The following EPRS1 variants were observed in gnomAD, a reference collection of about 807,000 sequenced individuals.
EPRS1 encodes the protein bifunctional glutamate/proline--tRNA ligase.
In EPRS1, 107 loss-of-function variants were observed where a neutral mutation model predicts 188.3. The observed-to-expected ratio is 0.57, with a 90% CI of 0.49 to 0.67. The LOEUF (loss-of-function observed/expected upper bound fraction) is 0.67. Among genes scored for constraint, EPRS1 ranks in the 30% least tolerant of loss-of-function variants. The pLI is 0.00. For missense variants in EPRS1, 1,577 were observed against 1,802.2 expected, an observed-to-expected ratio of 0.88 and a Z score of 2.26; for synonymous variants, 596 against 593.1, an observed-to-expected ratio of 1.00 and a Z score of -0.07.
At chr1:219,976,916 AAAAAG>A (rs1189371669) in intron 28 of EPRS1, among the ~76,000 whole-genome samples, 1 of 152,182 alleles carries the variant, frequency 6.6e-6, no homozygotes, top group Non-Finnish European at 1.5e-5. Flanking sequence ...TCCACATAGT[AAAAAG>A]AAAAGTAGTT....
intron 20 of EPRS1, among the ~76,000 whole-genome samples, chr1:219,985,237 C>G (rs536603040): frequency 6.6e-6 from 1 of 152,096 alleles, no homozygotes; most frequent in Admixed American, 6.6e-5. Context: ...CACACCTATT[C>G]TCCCACTAAA....
chr1:219,986,098 T>C (rs1030514954), intron 20 of EPRS1, among the ~76,000 whole-genome samples: 2 of 152,178 alleles, frequency 1.3e-5, no homozygotes, highest in Admixed American at 6.5e-5. Context: ...ATTGTGTATA[T>C]GACATGAGAG....
chr1:220,024,613 G>GA (rs997388792), intron 7 of EPRS1, among the ~76,000 whole-genome samples, 157 bp from the exon 8 acceptor site: 9 of 152,178 alleles, frequency 5.9e-5, no homozygotes, highest in African/African-American at 1.9e-4. Context: ...GATCAAAAAA[G>GA]AAAAAACAGA....
At position 220,010,953 on chromosome 1, in the gene EPRS1, T is replaced by C; in HGVS notation, c.1598A>G (p.His533Arg). 6.3e-7 allele frequency: 1 copy of C among 1,590,910 alleles called. No homozygotes were observed. Among genetic ancestry groups the C allele is most frequent in the Non-Finnish European group, 8.6e-7 (1 of 1,158,974 alleles). ...TGAAACTGTAAGAGTGACCTTTGGG[T>C]GTTTGGCTACTTCTTTCATCTCCTC... ...AQEEMKEVAK[H>R]PKNPEVGLKP... The change falls in exon 13 of 32, where the codon CAC becomes CGC. Residue 533 changes from histidine to arginine, a missense_variant. His to Arg is a conservative substitution (Grantham distance 29). Transcript: ENST00000366923.
At chr1:219,985,261 A>AT (rs778992836) in intron 20 of EPRS1, among the ~76,000 whole-genome samples, 6 of 152,216 alleles carry the variant, frequency 3.9e-5, no homozygotes, top group Non-Finnish European at 7.3e-5. Context: ...GAAGAATCTT[A>AT]TGCCAGTTAA....
intron 17 of EPRS1, among the ~76,000 whole-genome samples, chr1:219,998,547 AT>A (rs10638364): frequency 1.1e-4 from 16 of 142,948 alleles, no homozygotes; most frequent in East Asian, 2.1e-4. Flanking sequence ...GTTCAGCTAC[AT>A]TTTTTTTTTT....
At chr1:220,019,664 C>A (rs1359028457) in intron 10 of EPRS1, among the ~76,000 whole-genome samples, 1 of 152,142 alleles carries the variant, frequency 6.6e-6, no homozygotes, top group Non-Finnish European at 1.5e-5. Flanking sequence ...TCAGCCTCAG[C>A]AGAGAGTAGA....
intron 17 of EPRS1, 141 bp from the exon 18 acceptor site, chr1:219,997,483 G>C: frequency 1.4e-6 from 1 of 703,740 alleles, no homozygotes; most frequent in Non-Finnish European, 2.2e-6. Context: ...AAGCTTAAAT[G>C]AATAATCTCC....
At chr1:220,030,509 A>G (rs748531965) in intron 5 of EPRS1, 29 bp from the exon 6 acceptor site, 11 of 1,530,992 alleles carry the variant, frequency 7.2e-6, no homozygotes, top group Admixed American at 3.3e-5. Flanking sequence ...ATCACAACAA[A>G]AAGTCTTATG....
chr1:219,987,207 T>A lies in EPRS1; in HGVS notation c.2973A>T (p.Lys991Asn), dbSNP rs543810218. The change falls in exon 20 of 32, where the codon AAA (lysine) becomes AAT (asparagine). Residue 991 changes from lysine (K) to asparagine (N), a missense_variant. Physicochemically the swap from Lys to Asn is moderately conservative, Grantham distance 94. Coordinates refer to ENST00000366923, the MANE Select transcript of EPRS1 (RefSeq NM_004446.3). ...TTGATGAGAGCCCACCTCCTTGGTTTTTAGAAGGGTCTTTCCTTTGGCCAT... is the reference window on the plus strand; with the variant it reads ...TTGATGAGAGCCCACCTCCTTGGTTATTAGAAGGGTCTTTCCTTTGGCCAT... ...QNDGQRKDPS[K>N]NQGGGLSSSG... is the part of the protein sequence containing the mutation. 56 of 1,614,154 alleles carry A rather than the reference T, an allele frequency of 3.5e-5. No homozygotes were observed. The South Asian group carries it at 5.9e-4, about 17-fold the overall frequency.
chr1:219,973,658 C>G (rs923005305), intron 28 of EPRS1, among the ~76,000 whole-genome samples: 3 of 151,822 alleles, frequency 2.0e-5, no homozygotes, highest in Non-Finnish European at 4.4e-5. Flanking sequence ...GTTTCTAGAC[C>G]AGCATTCCCA....
At chr1:220,033,733 C>A in intron 3 of EPRS1, 75 bp from the exon 4 acceptor site, 1 of 1,055,920 alleles carries the variant, frequency 9.5e-7, no homozygotes, top group Non-Finnish European at 1.4e-6. Flanking sequence ...TAAAAAAATT[C>A]TAGTTAACTA....
rs539113322 is a variant in EPRS1, at chr1:219,969,966, C to T, written c.4324-844G>A. ...CTCCTAGTGTAGCTGGAATTACAGG[C>T]GTGTGCCACCATGCCCAGCTAATTT... On this transcript the variant is annotated intron_variant, in intron 30 of 31. Coordinates refer to ENST00000366923, the MANE Select transcript of EPRS1 (RefSeq NM_004446.3). 8.5e-5 allele frequency among the ~76,000 whole-genome samples: 13 copies of T among 152,200 alleles called. No homozygotes were observed. The East Asian group carries it at 1.4e-3, about 16-fold the overall frequency.
chr1:219,974,966 G>A (rs1444963951), intron 28 of EPRS1, among the ~76,000 whole-genome samples: 1 of 152,096 alleles, frequency 6.6e-6, no homozygotes, highest in Non-Finnish European at 1.5e-5. Context: ...ACTGGAGAAG[G>A]TAAAAATTAA....
chr1:220,016,318 T>G (rs971921096), intron 12 of EPRS1, among the ~76,000 whole-genome samples: 1 of 130,602 alleles, frequency 7.7e-6, no homozygotes, highest in Non-Finnish European at 1.6e-5. Flanking sequence ...CACTCCAGCC[T>G]AAGTAACAGG....
chr1:219,992,599 A>ATGTACACCATGAGTGTGTACTGTG (rs1661144844), intron 18 of EPRS1, among the ~76,000 whole-genome samples: 1 of 152,186 alleles, frequency 6.6e-6, no homozygotes, highest in Non-Finnish European at 1.5e-5. Context: ...CATAGACGAT[A>ATGTACACCATGAGTGTGTACTGTG]TGTACACCAT....
At position 219,971,565 on chromosome 1, in the gene EPRS1, A is replaced by G. The variant is rs901510371; in HGVS notation, c.4323+504T>C. On this transcript the variant is annotated intron_variant, in intron 30 of 31. Transcript: ENST00000366923. ...CTTGTTTTAGGCAGCCGCATATGAC[A>G]GCTCTAAAGCTAGAACAATGGTTAC... Among the ~76,000 whole-genome samples, 61 of 152,086 alleles carry G rather than the reference A, an allele frequency of 4.0e-4. 1 individual carries two copies. Among genetic ancestry groups the G allele is most frequent in the Non-Finnish European group, 5.1e-4 (35 of 68,012 alleles).
intron 15 of EPRS1, 134 bp from the exon 16 acceptor site, chr1:220,005,494 G>A (rs572243420): frequency 1.4e-4 from 69 of 495,352 alleles, no homozygotes; most frequent in African/African-American, 1.0e-3. Flanking sequence ...ACTACTTGAG[G>A]ACACACAATG....
Position 220,025,218 on chromosome 1 carries a change from G to T in EPRS1, c.664C>A (p.Gln222Lys), listed in dbSNP as rs200841646. The change falls in exon 7 of 32, where the codon CAG becomes AAG. Residue 222 changes from glutamine to lysine, a missense_variant. By Grantham distance (53) the Gln-to-Lys change is moderately conservative. Transcript: ENST00000366923. ...IGHAKAALLN[Q>K]HYQVNFKGKL... Reference sequence around the variant, plus strand: ...CCTTTAAAGTTAACCTGGTAGTGCTGGTTCAGAAGAGCAGCTTTTGCATGC... The same window carrying T: ...CCTTTAAAGTTAACCTGGTAGTGCTTGTTCAGAAGAGCAGCTTTTGCATGC... The T allele has an allele frequency of 3.5e-5, 56 of 1,610,880 alleles. No individual in the cohort carries two copies. Among genetic ancestry groups the T allele is most frequent in the Non-Finnish European group, 4.7e-5 (55 of 1,178,346 alleles).
Sources: gnomAD v4.1 joint callset for allele counts (sites outside exome capture counted in the v4.1 genomes callset) on GRCh38, gnomAD v4.1.1 for gene constraint, MANE v1.5 for transcripts, NCBI Gene and HGNC (gene_info 2026-07-23, HGNC 2026-07-21) for gene names.